The following ASIC2 variants were observed in gnomAD, a reference collection of about 807,000 sequenced individuals.
The protein encoded by ASIC2 is acid-sensing ion channel 2.
In ASIC2, 25 loss-of-function variants were observed where a neutral mutation model predicts 57.3. That is an observed-to-expected ratio of 0.44 (90% CI 0.32 to 0.61). The LOEUF (loss-of-function observed/expected upper bound fraction) is 0.61, where lower values mean the gene tolerates loss of function less well. ASIC2 is among the 20% of genes least tolerant of loss of function. ASIC2 has a pLI of 0.06. For missense variants in ASIC2, 641 were observed against 738.1 expected (o/e 0.87, Z 1.52); for synonymous variants, 319 against 307.5 (o/e 1.04, Z -0.39).
intron 1 of ASIC2, among the ~76,000 whole-genome samples, chr17:33,476,881 A>T (rs1467287810): frequency 6.6e-6 from 1 of 152,106 alleles, no homozygotes; most frequent in Non-Finnish European, 1.5e-5. Flanking sequence ...GAGTGAAGGC[A>T]GAAATGGTTT....
intron 1 of ASIC2, among the ~76,000 whole-genome samples, chr17:33,414,359 A>G (rs1451508390): frequency 1.3e-5 from 2 of 152,116 alleles, no homozygotes; most frequent in African/African-American, 4.8e-5. Flanking sequence ...TGGTGGAACG[A>G]GGAAGGGGAT....
At chr17:33,324,187 A>G (rs1906976609) in intron 1 of ASIC2, among the ~76,000 whole-genome samples, 1 of 152,196 alleles carries the variant, frequency 6.6e-6, no homozygotes. Context: ...TTGTGTCATT[A>G]AATCAAGCAC....
At chr17:33,546,792 G>T (rs895353421) in intron 1 of ASIC2, among the ~76,000 whole-genome samples, 2 of 152,054 alleles carry the variant, frequency 1.3e-5, no homozygotes, top group African/African-American at 4.8e-5. Context: ...GATTATATAC[G>T]TGTAGCTGGC....
chr17:33,716,018 A>G (rs1597847207), intron 1 of ASIC2, among the ~76,000 whole-genome samples: 1 of 152,300 alleles, frequency 6.6e-6, no homozygotes, highest in South Asian at 2.1e-4. Context: ...CCATTGCCAC[A>G]TAGAGTTAAT....
At chr17:33,700,742 G>A (rs375241978) in intron 1 of ASIC2, among the ~76,000 whole-genome samples, 8 of 152,264 alleles carry the variant, frequency 5.3e-5, no homozygotes, top group Admixed American at 3.3e-4. Flanking sequence ...CAATCCATGC[G>A]TTGATCACTA....
chr17:33,957,489 T>C (rs1233011016), intron 1 of ASIC2, among the ~76,000 whole-genome samples: 2 of 152,148 alleles, frequency 1.3e-5, no homozygotes, highest in East Asian at 1.9e-4. Flanking sequence ...ACAATCATGA[T>C]AGAAGGCAAA....
At chr17:33,932,741 A>AAAATATATATATATATAT (rs1555572867) in intron 1 of ASIC2, 23 of 58,676 alleles carry the variant, frequency 3.9e-4, no homozygotes, top group East Asian at 8.4e-4. Flanking sequence ...AAAAAAAAAA[A>AAAATATATATATATATAT]ATATATATAT....
At chr17:33,302,968 G>C (rs1442660226) in intron 1 of ASIC2, among the ~76,000 whole-genome samples, 2 of 152,162 alleles carry the variant, frequency 1.3e-5, no homozygotes, top group Non-Finnish European at 2.9e-5. Flanking sequence ...TTTGAACATA[G>C]ATTAAATCGT....
At chr17:34,029,333 G>A (rs1907498047) in intron 1 of ASIC2, among the ~76,000 whole-genome samples, 1 of 128,148 alleles carries the variant, frequency 7.8e-6, no homozygotes, top group Non-Finnish European at 1.6e-5. Context: ...TTCAATAAAT[G>A]AATGAATGAA....
intron 1 of ASIC2, among the ~76,000 whole-genome samples, chr17:33,122,503 T>G (rs1325376341): frequency 6.6e-6 from 1 of 152,210 alleles, no homozygotes; most frequent in Non-Finnish European, 1.5e-5. Context: ...GTTAGAAGTT[T>G]CTTTTTAATA....
intron 1 of ASIC2, among the ~76,000 whole-genome samples, chr17:33,300,633 C>T (rs772807181): frequency 6.6e-6 from 1 of 152,168 alleles, no homozygotes; most frequent in Non-Finnish European, 1.5e-5. Flanking sequence ...ATATTTTTCT[C>T]AGGCTAATTA....
chr17:33,288,715 G>GACACACACACAC lies in ASIC2; in HGVS notation c.708+2681_708+2692dup, dbSNP rs56013728. On this transcript the variant is annotated intron_variant, in intron 1 of 9. Transcript: ENST00000225823. The stretch of plus-strand genomic sequence containing the variant: ...CAGCAGAGTTTTCAGAGCTCTCTCT[G>GACACACACACAC]ACACACACACACACACACACACACA... Among the ~76,000 whole-genome samples, 191 of 143,614 alleles carry GACACACACACAC rather than the reference G, an allele frequency of 1.3e-3. 1 individual carries two copies. Among genetic ancestry groups the GACACACACACAC allele is most frequent in the East Asian group, 3.7e-3 (18 of 4,872 alleles). 94.2% of individuals were successfully genotyped at this position (143,614 alleles called of 152,430 possible).
chr17:33,336,151 T>A (rs1907506592), intron 1 of ASIC2, among the ~76,000 whole-genome samples: 1 of 151,976 alleles, frequency 6.6e-6, no homozygotes, highest in Non-Finnish European at 1.5e-5. Flanking sequence ...GATGCTCCCC[T>A]CACCCCAGGA....
At chr17:33,019,056 A>G (rs554596616) in intron 7 of ASIC2, among the ~76,000 whole-genome samples, 9 of 152,100 alleles carry the variant, frequency 5.9e-5, no homozygotes, top group Admixed American at 2.6e-4. Context: ...TTCCTTTCCC[A>G]TCACCGCTCC....
At chr17:33,072,403 C>T (rs1235951056) in intron 3 of ASIC2, among the ~76,000 whole-genome samples, 1 of 152,160 alleles carries the variant, frequency 6.6e-6, no homozygotes, top group East Asian at 1.9e-4. Flanking sequence ...GCAGAAGCCT[C>T]CACTGCCATC....
Position 33,244,370 on chromosome 17 carries a change from G to A in ASIC2, c.708+47038C>T, listed in dbSNP as rs144956739. Among the ~76,000 whole-genome samples the A allele has an allele frequency of 3.6e-4, 55 of 152,312 alleles. No individual in the cohort carries two copies. The East Asian group carries it at 8.5e-3, about 24-fold the overall frequency. ...GGAAAATGAGGCCTCTAGGAAGTGCGTGAAATCCTGATTTACATCATTTGG... is the reference window on the plus strand; with the variant it reads ...GGAAAATGAGGCCTCTAGGAAGTGCATGAAATCCTGATTTACATCATTTGG... On this transcript the variant is annotated intron_variant, in intron 1 of 9. Coordinates refer to ENST00000225823, the MANE Select transcript of ASIC2 (RefSeq NM_183377.2).
intron 1 of ASIC2, among the ~76,000 whole-genome samples, chr17:33,890,296 C>A (rs574259480): frequency 6.6e-6 from 1 of 152,186 alleles, no homozygotes; most frequent in Non-Finnish European, 1.5e-5. Flanking sequence ...CACCAACTGG[C>A]TCCCATGTTG....
At chr17:33,140,903 C>A (rs544395069) in intron 1 of ASIC2, among the ~76,000 whole-genome samples, 16 of 152,234 alleles carry the variant, frequency 1.1e-4, no homozygotes, top group Non-Finnish European at 2.2e-4. Flanking sequence ...GGCCACAAGG[C>A]AGAACCACAA....
intron 1 of ASIC2, among the ~76,000 whole-genome samples, chr17:33,499,944 T>C (rs1188122559): frequency 6.6e-6 from 1 of 152,088 alleles, no homozygotes; most frequent in Admixed American, 6.5e-5. Context: ...TTCTAGACTG[T>C]GAAGTCATAG....
Sources: allele counts gnomAD v4.1 joint callset (sites outside exome capture counted in the v4.1 genomes callset), GRCh38; gene constraint gnomAD v4.1.1; transcripts MANE v1.5; gene names NCBI Gene and HGNC (gene_info 2026-07-23, HGNC 2026-07-21).